Variants in MACROD2 observed in about 807,000 individuals in gnomAD.
MACROD2 encodes ADP-ribose glycohydrolase MACROD2.
In MACROD2, 36 loss-of-function variants were observed where a neutral mutation model predicts 70.4. The observed-to-expected ratio is 0.51, with a 90% CI of 0.39 to 0.68. The LOEUF is 0.68. Among genes scored for constraint, MACROD2 ranks in the 30% least tolerant of loss-of-function variants. The pLI, the probability that MACROD2 is intolerant of heterozygous loss-of-function variation, is 0.00. For synonymous variants in MACROD2, 172 were observed against 178.8 expected (o/e 0.96, Z 0.30); for missense variants, 496 against 538.4 (o/e 0.92, Z 0.78).
chr20:14,020,815 A>T (rs559884134), intron 2 of MACROD2, among the ~76,000 whole-genome samples: 2 of 152,150 alleles, frequency 1.3e-5, no homozygotes, highest in Admixed American at 6.5e-5. Context: ...TTTCCTCAGG[A>T]GTTCTCCCAG....
chr20:15,804,458 C>A (rs1022834476), intron 8 of MACROD2, among the ~76,000 whole-genome samples: 1 of 152,164 alleles, frequency 6.6e-6, no homozygotes, highest in Admixed American at 6.5e-5. Context: ...ATTCTGTAAA[C>A]AATGACAAAC....
intron 6 of MACROD2, among the ~76,000 whole-genome samples, chr20:15,411,142 A>G (rs2046072836): frequency 8.0e-6 from 1 of 124,982 alleles, no homozygotes; most frequent in East Asian, 2.2e-4. Context: ...CCACCAGGAT[A>G]TGTATTTACA....
At chr20:15,067,721 TG>T (rs1353360867) in intron 5 of MACROD2, among the ~76,000 whole-genome samples, 1 of 152,140 alleles carries the variant, frequency 6.6e-6, no homozygotes, top group Non-Finnish European at 1.5e-5. Context: ...GCATACACAT[TG>T]TATGTAGATA....
chr20:15,589,077 G>A (rs563096875), intron 8 of MACROD2, among the ~76,000 whole-genome samples: 3 of 152,324 alleles, frequency 2.0e-5, no homozygotes, highest in African/African-American at 4.8e-5. Flanking sequence ...GGCTGGGGAG[G>A]CCTCAGAATC....
chr20:14,474,423 G>A (rs1032079051), intron 3 of MACROD2, among the ~76,000 whole-genome samples: 1 of 152,104 alleles, frequency 6.6e-6, no homozygotes, highest in Non-Finnish European at 1.5e-5. Context: ...TGTTCCATAT[G>A]CTATTGAGAA....
At chr20:14,556,714 G>A (rs768631723) in intron 4 of MACROD2, among the ~76,000 whole-genome samples, 1 of 151,830 alleles carries the variant, frequency 6.6e-6, no homozygotes. Context: ...ACTATCCAAA[G>A]CAATATACTT....
intron 5 of MACROD2, among the ~76,000 whole-genome samples, chr20:15,000,591 CCGCAG>C: frequency 2.5e-5 from 3 of 118,414 alleles, no homozygotes; most frequent in Middle Eastern, 4.3e-3. Context: ...CCACTGCAGT[CCGCAG>C]TCCGGCCTGG....
intron 12 of MACROD2, among the ~76,000 whole-genome samples, chr20:15,953,231 T>G (rs2065931290): frequency 1.3e-5 from 2 of 152,002 alleles, no homozygotes; most frequent in African/African-American, 4.8e-5. Context: ...GTGGCAGGGA[T>G]AGAAAGAGAT....
chr20:14,234,064 G>T (rs1269596110), intron 3 of MACROD2, among the ~76,000 whole-genome samples: 3 of 152,090 alleles, frequency 2.0e-5, no homozygotes, highest in Admixed American at 2.0e-4. Flanking sequence ...AAATAATAAT[G>T]TATCAATATT....
At chr20:15,649,889 G>C (rs1172090413) in intron 8 of MACROD2, among the ~76,000 whole-genome samples, 1 of 152,100 alleles carries the variant, frequency 6.6e-6, no homozygotes, top group Non-Finnish European at 1.5e-5. Context: ...CAGAAGATTT[G>C]CTTCTAAAAT....
rs369079252 is a variant in MACROD2, at chr20:15,618,541, C to A, written c.645+118694C>A. ...TCTCACCCCACCCTCCCAACCCTGC[C>A]CCCAAGATTTCATTGAGATTTCTCC... On this transcript the variant is annotated intron_variant, in intron 8 of 17. Coordinates refer to ENST00000684519, the MANE Select transcript of MACROD2 (RefSeq NM_001351661.2). Among the ~76,000 whole-genome samples the A allele has an allele frequency of 3.3e-5, 5 of 151,892 alleles. No individual in the cohort carries two copies. In the South Asian group the frequency reaches 6.2e-4, roughly 19 times the overall value.
chr20:15,692,632 G>A (rs751873401), intron 8 of MACROD2, among the ~76,000 whole-genome samples: 1 of 152,144 alleles, frequency 6.6e-6, no homozygotes, highest in Non-Finnish European at 1.5e-5. Flanking sequence ...CAGGGGTAGG[G>A]TGGTGGGACC....
intron 15 of MACROD2, among the ~76,000 whole-genome samples, chr20:16,020,799 A>T (rs11908345): frequency 6.6e-6 from 1 of 151,930 alleles, no homozygotes; most frequent in Admixed American, 6.5e-5. Flanking sequence ...CATGGACAGA[A>T]AGTTAACTCA....
intron 5 of MACROD2, among the ~76,000 whole-genome samples, chr20:15,198,753 A>G (rs1319152555): frequency 6.6e-6 from 1 of 152,172 alleles, no homozygotes; most frequent in African/African-American, 2.4e-5. Flanking sequence ...TGAACCCCAC[A>G]ATTTACATTT....
At chr20:16,040,762 C>T (rs1397337361) in intron 15 of MACROD2, among the ~76,000 whole-genome samples, 1 of 152,002 alleles carries the variant, frequency 6.6e-6, no homozygotes, top group Non-Finnish European at 1.5e-5. Flanking sequence ...AAAACTCTCA[C>T]TACCAGGAGA....
intron 5 of MACROD2, among the ~76,000 whole-genome samples, chr20:14,864,245 G>T (rs991187938): frequency 6.6e-6 from 1 of 152,024 alleles, no homozygotes; most frequent in African/African-American, 2.4e-5. Context: ...AGACATTTTT[G>T]TCCAGAGAAT....
intron 2 of MACROD2, among the ~76,000 whole-genome samples, chr20:14,009,049 C>A (rs2052861683): frequency 6.6e-6 from 1 of 152,122 alleles, no homozygotes; most frequent in Non-Finnish European, 1.5e-5. Flanking sequence ...CATTCAGGAT[C>A]TAGGCATGGG....
At chr20:14,527,485 A>G (rs943259188) in intron 4 of MACROD2, among the ~76,000 whole-genome samples, 7 of 107,602 alleles carry the variant, frequency 6.5e-5, no homozygotes, top group African/African-American at 2.1e-4. Flanking sequence ...ACTTACAACC[A>G]ACCTCTGATT....
chr20:15,609,812 G>A (rs1194126861), intron 8 of MACROD2, among the ~76,000 whole-genome samples: 1 of 152,160 alleles, frequency 6.6e-6, no homozygotes, highest in Non-Finnish European at 1.5e-5. Flanking sequence ...TTATATAATT[G>A]CAGCCACCAC....
Sources: allele counts gnomAD v4.1 joint callset (sites outside exome capture counted in the v4.1 genomes callset), GRCh38; gene constraint gnomAD v4.1.1; transcripts MANE v1.5; gene names NCBI Gene and HGNC (gene_info 2026-07-23, HGNC 2026-07-21).